RTF2: variants seen among roughly 807,000 people sequenced by gnomAD.
RTF2 encodes UPF0549 protein C20orf43.
In RTF2, 18 loss-of-function variants were observed where a neutral mutation model predicts 38.0. That is an observed-to-expected ratio of 0.47 (90% confidence interval 0.33 to 0.70). The LOEUF is 0.70. Ranked by LOEUF, RTF2 falls within the 30% of genes least tolerant of loss-of-function variation. The pLI, the probability that RTF2 is intolerant of heterozygous loss-of-function variation, is 0.02. For missense variants in RTF2, 311 were observed against 379.6 expected, an observed-to-expected ratio of 0.82 and a Z score of 1.50; for synonymous variants, 126 against 137.1, an observed-to-expected ratio of 0.92 and a Z score of 0.57.
chr20:56,498,771 T>A (rs6064406), intron 5 of RTF2, among the ~76,000 whole-genome samples: 48,142 of 152,156 alleles, frequency 0.32, 9,568 homozygotes, highest in Non-Finnish European at 0.45. Context: ...TTCTTGTTTA[T>A]GAATCTTGAC....
At chr20:56,514,371 T>G (rs1483052482) in intron 6 of RTF2, 1 of 150,432 alleles carries the variant, frequency 6.6e-6, no homozygotes, top group Non-Finnish European at 1.5e-5. Flanking sequence ...AAAGTTGGGT[T>G]CAGGATAAGC....
At chr20:56,507,757 C>T (rs1984373650) in intron 5 of RTF2, among the ~76,000 whole-genome samples, 1 of 152,134 alleles carries the variant, frequency 6.6e-6, no homozygotes, top group South Asian at 2.1e-4. Context: ...TGGGTTCCTC[C>T]CCACCCCTGG....
chr20:56,469,946 A>G (rs2146310309), intron 1 of RTF2, among the ~76,000 whole-genome samples: 1 of 152,316 alleles, frequency 6.6e-6, no homozygotes, highest in Non-Finnish European at 1.5e-5. Flanking sequence ...TCATCTGTCC[A>G]CTGTAACTGA....
At chr20:56,497,410 C>G (rs1162763148) in intron 5 of RTF2, 1 of 1,548,832 alleles carries the variant, frequency 6.5e-7, no homozygotes, top group Admixed American at 2.0e-5. Context: ...CAAAATTTTG[C>G]AATTTAGGGG....
chr20:56,491,717 G>A lies in RTF2; in HGVS notation c.477+7528G>A, dbSNP rs1269574089. On this transcript the variant is annotated intron_variant, in intron 5 of 8. Coordinates refer to ENST00000357348, the MANE Select transcript of RTF2 (RefSeq NM_016407.5). The stretch of plus-strand genomic sequence containing the variant: ...GGGTTCGAATTTGTTGGCAAACAGA[G>A]AAGGCGACTGAATGAGCCACGGCAG... 3.2e-6 allele frequency: 5 copies of A among 1,552,270 alleles called. No individual in the cohort carries two copies. In the South Asian group the frequency reaches 5.9e-5, roughly 18 times the overall value.
rs145146822 is a variant in RTF2 at position 56,477,055 on chromosome 20, A to G, written c.329A>G (p.Lys110Arg). 332 of 1,614,154 alleles carry G rather than the reference A, an allele frequency of 2.1e-4. 3 individuals carry two copies. The highest frequency in any genetic ancestry group is 6.6e-4 in the Middle Eastern group (4 of 6,062). ...EGDKGNTKGD[K>R]HDDLQRARFI... is the part of the protein sequence containing the mutation. Reference sequence around the variant, plus strand: ...GATAAAGGAAACACTAAAGGTGACAAGCACGATGACCTCCAGCGGGCGCGT... The same window carrying G: ...GATAAAGGAAACACTAAAGGTGACAGGCACGATGACCTCCAGCGGGCGCGT... Residue 110 changes from lysine to arginine, a missense_variant, in exon 4 of 9, where the codon AAG (lysine) becomes AGG (arginine). Lys to Arg is a conservative substitution (Grantham distance 26). Coordinates refer to ENST00000357348, the MANE Select transcript of RTF2 (RefSeq NM_016407.5).
At chr20:56,483,364 A>G (rs1982622411) in intron 4 of RTF2, among the ~76,000 whole-genome samples, 3 of 151,376 alleles carry the variant, frequency 2.0e-5, no homozygotes, top group African/African-American at 2.4e-5. Flanking sequence ...TTAAAGCGAC[A>G]AGCGACAGAA....
At chr20:56,483,520 G>T (rs1568695318) in intron 4 of RTF2, among the ~76,000 whole-genome samples, 2 of 151,922 alleles carry the variant, frequency 1.3e-5, no homozygotes, top group African/African-American at 2.4e-5. Context: ...TTAGAGATAG[G>T]TTCTCAGTAT....
intron 4 of RTF2, among the ~76,000 whole-genome samples, chr20:56,477,456 G>A (rs997541768): frequency 1.3e-5 from 2 of 152,212 alleles, no homozygotes; most frequent in African/African-American, 4.8e-5. Context: ...CTGTGGGACA[G>A]AAAGCAAAGA....
At chr20:56,492,874 T>G (rs1388279835) in intron 5 of RTF2, among the ~76,000 whole-genome samples, 2 of 120,666 alleles carry the variant, frequency 1.7e-5, no homozygotes, top group East Asian at 4.6e-4. Flanking sequence ...CCAGTAATCC[T>G]ACTTTTAAAA....
intron 5 of RTF2, among the ~76,000 whole-genome samples, chr20:56,487,579 C>T (rs1052863774): frequency 5.3e-5 from 8 of 152,198 alleles, no homozygotes; most frequent in East Asian, 1.9e-4. Context: ...AAAGAATGAA[C>T]GAGATAATGA....
intron 5 of RTF2, among the ~76,000 whole-genome samples, chr20:56,504,978 C>T (rs1984169720): frequency 6.6e-6 from 1 of 152,188 alleles, no homozygotes; most frequent in Admixed American, 6.5e-5. Context: ...ATGTAGTCCC[C>T]ATAATCTTCA....
At chr20:56,469,213 C>T (rs1981835320) in intron 1 of RTF2, among the ~76,000 whole-genome samples, 1 of 152,160 alleles carries the variant, frequency 6.6e-6, no homozygotes. Flanking sequence ...GTTCCCTTAC[C>T]ACATCCTTTT....
chr20:56,518,137 A>T lies in RTF2; in HGVS notation c.793A>T (p.Thr265Ser). The change falls in exon 9 of 9, where the codon ACA (threonine) becomes TCA (serine). Residue 265 changes from threonine to serine, a missense_variant. Coordinates refer to ENST00000357348, the MANE Select transcript of RTF2 (RefSeq NM_016407.5). ...GKAGKPPCGA[T>S]KRSIADSEES... Reference sequence around the variant, plus strand: ...AGCTGGGAAGCCTCCGTGTGGAGCCACAAAGAGGTCCATCGCTGACAGTGA... The same window carrying T: ...AGCTGGGAAGCCTCCGTGTGGAGCCTCAAAGAGGTCCATCGCTGACAGTGA... The T allele has an allele frequency of 6.2e-7, 1 of 1,614,180 alleles. No individual in the cohort carries two copies. The highest frequency in any genetic ancestry group is 8.5e-7 in the Non-Finnish European group (1 of 1,180,020).
chr20:56,486,075 G>T (rs776064543), intron 5 of RTF2, among the ~76,000 whole-genome samples: 2 of 152,132 alleles, frequency 1.3e-5, no homozygotes, highest in Admixed American at 1.3e-4. Flanking sequence ...CTGGGGAGGC[G>T]CACAGCCAGG....
chr20:56,496,726 C>CA lies in RTF2; in HGVS notation c.477+12538dup. Reference sequence around the variant, plus strand: ...TGAAGCATGTCTTTTGCATGGATGTCAGTCAGTATGAACTCTACAAACTTC... The same window carrying CA: ...TGAAGCATGTCTTTTGCATGGATGTCAAGTCAGTATGAACTCTACAAACTTC... On this transcript the variant is annotated intron_variant, in intron 5 of 8. Transcript: ENST00000357348. 4 of 1,551,922 alleles carry CA rather than the reference C, an allele frequency of 2.6e-6. No individual in the cohort carries two copies. In the South Asian group the frequency reaches 3.6e-5, roughly 14 times the overall value.
chr20:56,516,765 G>T (rs1455038462), intron 6 of RTF2, 170 bp from the exon 7 acceptor site: 1 of 671,920 alleles, frequency 1.5e-6, no homozygotes, highest in African/African-American at 1.8e-5. Context: ...TGCAGAGGGT[G>T]AAGGCTTTAG....
intron 4 of RTF2, among the ~76,000 whole-genome samples, chr20:56,479,771 C>G (rs867042963): frequency 6.6e-6 from 1 of 151,606 alleles, no homozygotes; most frequent in South Asian, 2.1e-4. Flanking sequence ...AGAGCTCTTG[C>G]GTGACCTAGG....
chr20:56,490,765 C>T (rs915548184), intron 5 of RTF2, among the ~76,000 whole-genome samples: 4 of 152,120 alleles, frequency 2.6e-5, no homozygotes, highest in African/African-American at 4.8e-5. Context: ...TGCGGTGAGC[C>T]GAGATCGTGC....
Sources: allele counts gnomAD v4.1 joint callset (sites outside exome capture counted in the v4.1 genomes callset), GRCh38; gene constraint gnomAD v4.1.1; transcripts MANE v1.5; gene names NCBI Gene and HGNC (gene_info 2026-07-23, HGNC 2026-07-21).